Variants in PEAK1 observed in about 807,000 individuals in gnomAD.
PEAK1 encodes pseudopodium enriched atypical kinase 1.
In PEAK1, 54 loss-of-function variants were observed where a neutral mutation model predicts 124.7. The ratio of observed to expected loss-of-function variants is 0.43; its 90% CI spans 0.35 to 0.54. The LOEUF (loss-of-function observed/expected upper bound fraction) is 0.54. Among genes scored for constraint, PEAK1 ranks in the 20% least tolerant of loss-of-function variants. The pLI, the probability that PEAK1 is intolerant of heterozygous loss-of-function variation, is 0.01. For missense variants in PEAK1, 2,046 were observed against 2,134.5 expected, an observed-to-expected ratio of 0.96 and a Z score of 0.82; for synonymous variants, 719 against 760.0, an observed-to-expected ratio of 0.95 and a Z score of 0.89.
At chr15:77,208,192 G>A (rs569772013) in intron 6 of PEAK1, among the ~76,000 whole-genome samples, 2 of 152,266 alleles carry the variant, frequency 1.3e-5, no homozygotes, top group African/African-American at 4.8e-5. Flanking sequence ...CAATAATCTT[G>A]AGGGGCAGTA....
At chr15:77,332,001 C>T (rs893907224) in intron 2 of PEAK1, 2 of 175,646 alleles carry the variant, frequency 1.1e-5, no homozygotes, top group Non-Finnish European at 2.2e-5. Flanking sequence ...CTTTGGGATG[C>T]TGAGCCGGGC....
At chr15:77,316,316 AAT>A (rs902588348) in intron 2 of PEAK1, among the ~76,000 whole-genome samples, 41 of 152,330 alleles carry the variant, frequency 2.7e-4, no homozygotes, top group African/African-American at 9.6e-4. Context: ...ACCACAAATA[AAT>A]ATGATTGCCA....
At chr15:77,151,786 G>C (rs1176779133) in intron 8 of PEAK1, among the ~76,000 whole-genome samples, 1 of 152,180 alleles carries the variant, frequency 6.6e-6, no homozygotes, top group Non-Finnish European at 1.5e-5. Flanking sequence ...ACCATTGCTT[G>C]TTTTTGTCAG....
At chr15:77,346,438 T>TG in intron 2 of PEAK1, 1 of 985,134 alleles carries the variant, frequency 1.0e-6, no homozygotes, top group Non-Finnish European at 1.2e-6. Flanking sequence ...ATCAGTCCCT[T>TG]GGGGGAGAGG....
intron 5 of PEAK1, among the ~76,000 whole-genome samples, chr15:77,261,958 C>A (rs917596177): frequency 6.6e-6 from 1 of 152,128 alleles, no homozygotes; most frequent in Non-Finnish European, 1.5e-5. Flanking sequence ...CAATATTCAA[C>A]ATTCTTAAAG....
At chr15:77,119,508 T>C (rs1482149805) in intron 9 of PEAK1, among the ~76,000 whole-genome samples, 1 of 152,162 alleles carries the variant, frequency 6.6e-6, no homozygotes, top group African/African-American at 2.4e-5. Flanking sequence ...CTGACCAGAT[T>C]CCTAAATACA....
intron 1 of PEAK1, among the ~76,000 whole-genome samples, chr15:77,369,891 A>C (rs1378592764): frequency 6.6e-6 from 1 of 152,036 alleles, no homozygotes; most frequent in Non-Finnish European, 1.5e-5. Context: ...TCACCACAAC[A>C]CTGGCTCCCT....
At chr15:77,223,402 T>C (rs906690052) in intron 6 of PEAK1, among the ~76,000 whole-genome samples, 2 of 152,050 alleles carry the variant, frequency 1.3e-5, no homozygotes, top group Non-Finnish European at 2.9e-5. Flanking sequence ...AGCCAAGATA[T>C]GTTTTGTGGG....
chr15:77,170,409 A>G (rs2056425405), intron 7 of PEAK1, among the ~76,000 whole-genome samples: 1 of 152,236 alleles, frequency 6.6e-6, no homozygotes, highest in Admixed American at 6.5e-5. Flanking sequence ...AAAGGAAGCC[A>G]GAATAACTAG....
intron 1 of PEAK1, chr15:77,418,051 C>T: frequency 1.0e-6 from 1 of 982,598 alleles, no homozygotes. Context: ...TATGAAGTGG[C>T]ATTATTTCTT....
chr15:77,334,458 G>A, intron 2 of PEAK1: 1 of 985,202 alleles, frequency 1.0e-6, no homozygotes, highest in Non-Finnish European at 1.2e-6. Context: ...TTGTTTCCGA[G>A]AAGTAGAGGA....
rs890532488 is a variant in PEAK1 at position 77,417,436 on chromosome 15, G to T, written c.-666+2570C>A. The T allele has an allele frequency of 3.1e-6, 3 of 961,216 alleles. No homozygotes were observed. The South Asian group carries it at 1.4e-4, about 46-fold the overall frequency. The allele number at this position is 961,216 out of a possible 1,614,324, so 59.5% of individuals were successfully genotyped here. A position where few individuals can be genotyped will look rare whatever the true frequency, so the allele number is the denominator to read the frequency against. On this transcript the variant is annotated intron_variant, in intron 1 of 9. Coordinates refer to ENST00000682557, the MANE Select transcript of PEAK1 (RefSeq NM_001385026.1). ...TTAGTAATGAAAGGACTAGGAAGGA[G>T]AGTGGGGTGGGGGGATGCGGGGCGG...
chr15:77,407,936 CAT>C (rs1404909525), intron 1 of PEAK1, among the ~76,000 whole-genome samples: 1 of 76,842 alleles, frequency 1.3e-5, no homozygotes, highest in African/African-American at 3.2e-5. Context: ...TATATACACA[CAT>C]ATATACACAT....
intron 6 of PEAK1, among the ~76,000 whole-genome samples, chr15:77,247,905 T>C (rs981166204): frequency 7.9e-5 from 12 of 152,210 alleles, no homozygotes; most frequent in Non-Finnish European, 1.2e-4. Context: ...TTTTTGTCTA[T>C]GCCTGTAGTT....
chr15:77,148,375 A>G (rs2054322621), intron 8 of PEAK1, among the ~76,000 whole-genome samples: 1 of 152,160 alleles, frequency 6.6e-6, no homozygotes, highest in African/African-American at 2.4e-5. Flanking sequence ...TTGTTTTGTT[A>G]TAATTGGCAG....
Position 77,114,410 on chromosome 15 carries a change from G to A in PEAK1, c.4987C>T (p.Leu1663Phe). ...RILISDAKGI[L>F]QCLLWGPRED... ...CGGGGGCCCCAGAGCAGACACTGGAGGATGCCTTTGGCGTCTGAAATGAGG... is the reference window on the plus strand; with the variant it reads ...CGGGGGCCCCAGAGCAGACACTGGAAGATGCCTTTGGCGTCTGAAATGAGG... Residue 1663 changes from leucine (L) to phenylalanine (F), a missense_variant, in exon 10 of 10, where the codon CTC (leucine) becomes TTC (phenylalanine). Transcript: ENST00000682557. The A allele has an allele frequency of 6.2e-7, 1 of 1,614,218 alleles. No homozygotes were observed. The highest frequency in any genetic ancestry group is 8.5e-7 in the Non-Finnish European group (1 of 1,180,042).
chr15:77,263,800 A>C lies in PEAK1; in HGVS notation c.-274-11274T>G, dbSNP rs186395118. Among the ~76,000 whole-genome samples, 34 of 152,164 alleles carry C rather than the reference A, an allele frequency of 2.2e-4. 1 individual carries two copies. Among genetic ancestry groups the C allele is most frequent in the African/African-American group, 7.9e-4 (33 of 41,532 alleles). On this transcript the variant is annotated intron_variant, in intron 5 of 9. Transcript: ENST00000682557. ...TACCAAAGCCTGGCAGAGACACAAC[A>C]ACAAAAAAAAGAATTTTAGACCAAT...
intron 8 of PEAK1, among the ~76,000 whole-genome samples, chr15:77,140,147 T>C (rs772030783): frequency 6.6e-6 from 1 of 152,220 alleles, no homozygotes; most frequent in South Asian, 2.1e-4. Flanking sequence ...GCTTCACTGA[T>C]GAATTCTACC....
intron 5 of PEAK1, chr15:77,278,831 G>GTTT (rs1482376693): frequency 1.3e-4 from 26 of 200,696 alleles, no homozygotes; most frequent in African/African-American, 4.9e-4. Context: ...AAATTTTGTG[G>GTTT]GTTTTTTTTT....
Sources: gnomAD v4.1 joint callset for allele counts (sites outside exome capture counted in the v4.1 genomes callset) on GRCh38, gnomAD v4.1.1 for gene constraint, MANE v1.5 for transcripts, NCBI Gene and HGNC (gene_info 2026-07-23, HGNC 2026-07-21) for gene names.